Variants in MRPS22 observed in about 807,000 individuals in gnomAD.
MRPS22 encodes the protein small ribosomal subunit protein mS22.
A neutral mutation model predicts 44.0 loss-of-function variants in MRPS22; 30 were observed. That is an observed-to-expected ratio of 0.68 (90% CI 0.51 to 0.93). The LOEUF (loss-of-function observed/expected upper bound fraction) is 0.93. Ranked by LOEUF, MRPS22 falls within the 40% of genes least tolerant of loss-of-function variation. The pLI is 0.00. For synonymous variants in MRPS22, 165 were observed against 154.4 expected (o/e 1.07, Z -0.51); for missense variants, 447 against 447.8 (o/e 1.00, Z 0.02).
chr3:139,346,956 G>C lies in MRPS22; in HGVS notation c.251G>C (p.Gly84Ala), dbSNP rs376665295. 3.1e-6 allele frequency: 5 copies of C among 1,614,064 alleles called. No individual in the cohort carries two copies. The highest frequency in any genetic ancestry group is 4.2e-6 in the Non-Finnish European group (5 of 1,180,028). The change falls in exon 2 of 8, where the codon GGC becomes GCC. Residue 84 changes from glycine to alanine, a missense_variant. Coordinates refer to ENST00000680020, the MANE Select transcript of MRPS22 (RefSeq NM_020191.4). ...EVQSILTKMT[G>A]LNLQKTFKPA... ...CAAAGCATACTCACGAAAATGACAGGCTTGAACTTGCAGAAGACTTTTAAG... is the reference window on the plus strand; with the variant it reads ...CAAAGCATACTCACGAAAATGACAGCCTTGAACTTGCAGAAGACTTTTAAG...
At chr3:139,351,277 A>G (rs1941146727) in intron 5 of MRPS22, 3 of 528,826 alleles carry the variant, frequency 5.7e-6, no homozygotes, top group South Asian at 2.0e-5. Context: ...AGAATTAAGT[A>G]GCTTGCTGAA....
intron 3 of MRPS22, chr3:139,349,429 A>T (rs1398786409): frequency 5.1e-6 from 2 of 394,192 alleles, no homozygotes; most frequent in East Asian, 1.5e-4. Flanking sequence ...TTTATACATT[A>T]ATCAGGTGTG....
Position 139,357,126 on chromosome 3 carries a change from C to A in MRPS22, c.*112C>A. 1 of 881,288 alleles carries A rather than the reference C, an allele frequency of 1.1e-6. No homozygotes were observed. Among genetic ancestry groups the A allele is most frequent in the South Asian group, 1.6e-5 (1 of 64,420 alleles). 54.6% of individuals were successfully genotyped at this position (881,288 alleles called of 1,614,324 possible). A position where few individuals can be genotyped will look rare whatever the true frequency, so the allele number is the denominator to read the frequency against. ...TAAAAGATATCAATTTGTAGTTCTC[C>A]CTACAAAGCAAAAATTATTACCCTA... On this transcript the variant is annotated 3_prime_UTR_variant, in exon 8 of 8. Coordinates refer to ENST00000680020, the MANE Select transcript of MRPS22 (RefSeq NM_020191.4).
chr3:139,350,680 C>T, intron 4 of MRPS22: 4 of 363,372 alleles, frequency 1.1e-5, no homozygotes, highest in South Asian at 6.9e-5. Flanking sequence ...CACCCCCCCC[C>T]CGCAATCCGA....
rs761283152 is a variant in MRPS22 at position 139,351,014 on chromosome 3, A to G, written c.686A>G (p.Asn229Ser). 7 of 1,614,124 alleles carry G rather than the reference A, an allele frequency of 4.3e-6. 1 individual carries two copies. The highest frequency in any genetic ancestry group is 1.6e-4 in the Middle Eastern group (1 of 6,062). Residue 229 changes from asparagine to serine, a missense_variant, in exon 5 of 8, where the codon AAT (asparagine) becomes AGT (serine). By Grantham distance (46) the Asn-to-Ser change is conservative. Transcript: ENST00000680020. ...CAGGACAGGCATGTTGATGTCCTCAATCTCTGCTTTGCCCAGTTTGAGCCA... is the reference window on the plus strand; with the variant it reads ...CAGGACAGGCATGTTGATGTCCTCAGTCTCTGCTTTGCCCAGTTTGAGCCA... ...YSQDRHVDVL[N>S]LCFAQFEPDS...
intron 6 of MRPS22, among the ~76,000 whole-genome samples, chr3:139,355,161 G>A (rs893334246): frequency 1.3e-5 from 2 of 152,146 alleles, no homozygotes; most frequent in South Asian, 4.1e-4. Flanking sequence ...GCGTTCCTGT[G>A]AATCCTTTCC....
intron 1 of MRPS22, chr3:139,344,486 T>C: frequency 1.6e-6 from 1 of 611,132 alleles, no homozygotes; most frequent in Non-Finnish European, 2.9e-6. Flanking sequence ...TGGGAACTCA[T>C]GTCCATGGGG....
chr3:139,349,469 A>C (rs535738448), intron 3 of MRPS22: 1 of 267,980 alleles, frequency 3.7e-6, no homozygotes, highest in East Asian at 1.2e-4. Flanking sequence ...GCAAAGCTCC[A>C]TGTATGCCAC....
intron 3 of MRPS22, chr3:139,349,060 G>A (rs1941098456): frequency 3.2e-6 from 1 of 309,638 alleles, no homozygotes; most frequent in South Asian, 2.8e-5. Context: ...ACATGATTAT[G>A]GTTAGAAAAC....
chr3:139,350,513 C>A (rs375586369), intron 4 of MRPS22, 191 bp downstream of exon 4: 5 of 590,890 alleles, frequency 8.5e-6, no homozygotes, highest in African/African-American at 5.6e-5. Flanking sequence ...CTGCAACCTC[C>A]ACCTTCTGGT....
chr3:139,349,651 G>A (rs906224334), intron 3 of MRPS22, among the ~76,000 whole-genome samples: 18 of 152,196 alleles, frequency 1.2e-4, no homozygotes, highest in Admixed American at 5.2e-4. Context: ...TTGGCAGTTG[G>A]AAGATCGAAG....
intron 6 of MRPS22, among the ~76,000 whole-genome samples, chr3:139,355,072 T>C (rs1941218666): frequency 2.6e-5 from 4 of 152,236 alleles, no homozygotes; most frequent in Admixed American, 2.6e-4. Flanking sequence ...AGATTGCTGA[T>C]GTAGAACCCG....
chr3:139,345,450 G>GTTTTTTTTTTTTT (rs78050187), intron 1 of MRPS22, among the ~76,000 whole-genome samples: 1 of 106,514 alleles, frequency 9.4e-6, no homozygotes, highest in Non-Finnish European at 1.9e-5. Context: ...TTTTTTTTTT[G>GTTTTTTTTTTTTT]TTTTTTTTTT....
chr3:139,344,123 C>A lies in MRPS22; in HGVS notation c.97C>A (p.His33Asn). ...VCFRARIQPW[H>N]GGLLQPLPCS... ...TTTCCGGGCTCGAATCCAGCCCTGG[C>A]ACGGTGGCCTGCTCCAACCGCTACC... The change falls in exon 1 of 8, where the codon CAC (histidine) becomes AAC (asparagine). Residue 33 changes from histidine (H) to asparagine (N), a missense_variant. Coordinates refer to ENST00000680020, the MANE Select transcript of MRPS22 (RefSeq NM_020191.4). 12 of 1,614,058 alleles carry A rather than the reference C, an allele frequency of 7.4e-6. No individual in the cohort carries two copies. Among genetic ancestry groups the A allele is most frequent in the Non-Finnish European group, 8.5e-6 (10 of 1,179,998 alleles).
rs1384577578 is a variant in MRPS22, at chr3:139,352,718, T to C, written c.804T>C (p.Phe268=). The C allele has an allele frequency of 1.9e-6, 3 of 1,613,294 alleles. No homozygotes were observed. The South Asian group carries it at 3.3e-5, about 18-fold the overall frequency. ...ACCTTTTACGTTCAACAAGATACTT[T>C]GGTGGAATGGTGTGGTATTTTGTAA... ...KYDLLRSTRY[F]GGMVWYFVNN... Residue 268 remains phenylalanine, a synonymous_variant, in exon 6 of 8, where the codon TTT becomes TTC. Transcript: ENST00000680020.
chr3:139,344,126 G>C lies in MRPS22; in HGVS notation c.100G>C (p.Gly34Arg), dbSNP rs1409632855. Residue 34 changes from glycine to arginine, a missense_variant, in exon 1 of 8, where the codon GGT becomes CGT. Transcript: ENST00000680020. The stretch of plus-strand genomic sequence containing the variant: ...CCGGGCTCGAATCCAGCCCTGGCAC[G>C]GTGGCCTGCTCCAACCGCTACCTTG... ...CFRARIQPWH[G>R]GLLQPLPCSF... 1.9e-6 allele frequency: 3 copies of C among 1,613,964 alleles called. No individual in the cohort carries two copies. The highest frequency in any genetic ancestry group is 2.2e-5 in the East Asian group (1 of 44,854).
chr3:139,344,017 T>C, upstream of MRPS22: 1 of 1,614,156 alleles, frequency 6.2e-7, no homozygotes, highest in Non-Finnish European at 8.5e-7. Context: ...GCAAGTGGCT[T>C]CTGATAATCA....
At chr3:139,350,430 C>CTTTTT in intron 4 of MRPS22, 108 bp downstream of exon 4, 2 of 1,028,974 alleles carry the variant, frequency 1.9e-6, no homozygotes. Flanking sequence ...GATAACTTGA[C>CTTTTT]TTTTTTTTTT....
At chr3:139,348,495 C>T in intron 3 of MRPS22, 171 bp downstream of exon 3, 1 of 666,768 alleles carries the variant, frequency 1.5e-6, no homozygotes, top group Non-Finnish European at 2.7e-6. Flanking sequence ...TGCAGACCAG[C>T]CCCACATCAT....
Sources: gnomAD v4.1 joint callset for allele counts (sites outside exome capture counted in the v4.1 genomes callset) on GRCh38, gnomAD v4.1.1 for gene constraint, MANE v1.5 for transcripts, NCBI Gene and HGNC (gene_info 2026-07-23, HGNC 2026-07-21) for gene names.